PTPRT: variants seen among roughly 807,000 people sequenced by gnomAD.
PTPRT encodes the protein receptor-type tyrosine-protein phosphatase T.
PTPRT carries 56 observed loss-of-function variants against 176.8 expected under a neutral mutation model. That is an observed-to-expected ratio of 0.32 (90% CI 0.26 to 0.40). The LOEUF (loss-of-function observed/expected upper bound fraction) is 0.40, where lower values mean the gene tolerates loss of function less well. PTPRT is among the 10% of genes least tolerant of loss of function. PTPRT has a pLI of 1.00. For missense variants in PTPRT, 1,540 were observed against 1,908.2 expected, an observed-to-expected ratio of 0.81 and a Z score of 3.60; for synonymous variants, 783 against 739.0, an observed-to-expected ratio of 1.06 and a Z score of -0.96.
At chr20:42,595,214 A>G (rs2073650398) in intron 7 of PTPRT, among the ~76,000 whole-genome samples, 1 of 151,902 alleles carries the variant, frequency 6.6e-6, no homozygotes, top group East Asian at 1.9e-4. Context: ...TACTGCATGC[A>G]CCTCTAACTC....
chr20:42,760,442 C>T (rs1435067292), intron 5 of PTPRT, among the ~76,000 whole-genome samples: 1 of 139,860 alleles, frequency 7.2e-6, no homozygotes, highest in African/African-American at 2.7e-5. Flanking sequence ...CAGTAGCACA[C>T]TGGCAATACC....
At position 42,633,784 on chromosome 20, in the gene PTPRT, AATATATATAT is replaced by A. The variant is rs752371452; in HGVS notation, c.1153+44072_1153+44081del. 7.6e-3 allele frequency among the ~76,000 whole-genome samples: 405 copies of A among 53,374 alleles called. 14 individuals are homozygous for A. The highest frequency in any genetic ancestry group is 0.025 in the African/African-American group (267 of 10,600). 35.0% of individuals were successfully genotyped at this position (53,374 alleles called of 152,430 possible). A position where few individuals can be genotyped will look rare whatever the true frequency, so the allele number is the denominator to read the frequency against. On this transcript the variant is annotated intron_variant, in intron 7 of 30. Coordinates refer to ENST00000373187, the MANE Select transcript of PTPRT (RefSeq NM_007050.6). ...CTGGGCAACACAGCAAGACTCTGAA[AATATATATAT>A]ATATATATATATATATATATATATA...
chr20:42,194,422 T>C (rs1991118083), intron 16 of PTPRT, among the ~76,000 whole-genome samples: 1 of 152,180 alleles, frequency 6.6e-6, no homozygotes, highest in Non-Finnish European at 1.5e-5. Flanking sequence ...AGTTAACTCA[T>C]GGTACCCAGT....
chr20:42,048,432 A>G, the PTPRT span, among the ~76,000 whole-genome samples: 1 of 152,152 alleles, frequency 6.6e-6, no homozygotes, highest in Non-Finnish European at 1.5e-5. Flanking sequence ...GTGGCTTCCA[A>G]AGCTTGGTCA....
chr20:42,847,031 G>A (rs1421258898), intron 2 of PTPRT, among the ~76,000 whole-genome samples: 2 of 152,180 alleles, frequency 1.3e-5, no homozygotes, highest in Non-Finnish European at 2.9e-5. Flanking sequence ...GATAATAACA[G>A]TCTCCTTGTC....
At chr20:42,927,578 G>A (rs189632180) in intron 1 of PTPRT, among the ~76,000 whole-genome samples, 10 of 151,610 alleles carry the variant, frequency 6.6e-5, no homozygotes, top group Admixed American at 2.0e-4. Context: ...AGAAAGAAAA[G>A]CAAGAAAGAA....
chr20:42,897,568 C>T (rs1389430694), intron 1 of PTPRT, among the ~76,000 whole-genome samples: 1 of 152,180 alleles, frequency 6.6e-6, no homozygotes, highest in South Asian at 2.1e-4. Context: ...TTTTGGGTCT[C>T]CAGTTTTCTC....
At chr20:42,167,758 C>T (rs1429520660) in intron 16 of PTPRT, among the ~76,000 whole-genome samples, 1 of 152,196 alleles carries the variant, frequency 6.6e-6, no homozygotes, top group Non-Finnish European at 1.5e-5. Flanking sequence ...AGTCAAAGCA[C>T]AGACTCACTC....
At chr20:42,334,893 G>A (rs2058019330) in intron 11 of PTPRT, among the ~76,000 whole-genome samples, 1 of 152,200 alleles carries the variant, frequency 6.6e-6, no homozygotes, top group South Asian at 2.1e-4. Context: ...AAGAATTAAT[G>A]TACTCCATTT....
intron 11 of PTPRT, 62 bp from the exon 12 acceptor site, chr20:42,316,058 C>G: frequency 6.4e-7 from 1 of 1,567,068 alleles, no homozygotes. Flanking sequence ...AGCTTGTTAG[C>G]TCTAATGGTG....
chr20:42,799,835 C>T lies in PTPRT; in HGVS notation c.215-8369G>A, dbSNP rs922038201. 7.9e-5 allele frequency among the ~76,000 whole-genome samples: 12 copies of T among 152,260 alleles called. 1 individual carries two copies. The highest frequency in any genetic ancestry group is 2.6e-4 in the Admixed American group (4 of 15,294). ...CAGGTAGAGGTTTTAAAGTTCCTTC[C>T]AGCTACAGAAGTCTGTTTCCAAGAC... On this transcript the variant is annotated intron_variant, in intron 2 of 30. Coordinates refer to ENST00000373187, the MANE Select transcript of PTPRT (RefSeq NM_007050.6).
At chr20:42,609,604 C>T (rs2073939796) in intron 7 of PTPRT, among the ~76,000 whole-genome samples, 1 of 152,192 alleles carries the variant, frequency 6.6e-6, no homozygotes, top group Non-Finnish European at 1.5e-5. Context: ...GCTATAGCAG[C>T]TGGGCTGCCT....
intron 8 of PTPRT, 35 bp from the exon 9 acceptor site, chr20:42,448,364 C>T (rs746594823): frequency 7.5e-6 from 11 of 1,474,166 alleles, no homozygotes; most frequent in Non-Finnish European, 1.0e-5. Context: ...TTGATGTCAC[C>T]TTCCACATCA....
At chr20:42,363,284 ATATATATATATATATATTT>A (rs1466876489) in intron 9 of PTPRT, among the ~76,000 whole-genome samples, 8 of 17,772 alleles carry the variant, frequency 4.5e-4, no homozygotes, top group African/African-American at 1.6e-3. Context: ...ATATATATAT[ATATATATATATATATATTT>A]TTTTTTTTTT....
chr20:42,206,320 C>T (rs2055458824), intron 15 of PTPRT, among the ~76,000 whole-genome samples: 4 of 152,226 alleles, frequency 2.6e-5, no homozygotes, highest in Admixed American at 2.6e-4. Flanking sequence ...CTACAGCTCC[C>T]AGCGTGAGCG....
At chr20:42,044,383 C>T in the PTPRT span, among the ~76,000 whole-genome samples, 1 of 152,180 alleles carries the variant, frequency 6.6e-6, no homozygotes, top group Non-Finnish European at 1.5e-5. Context: ...CCACTCAGGC[C>T]CAGGCTCATT....
At chr20:42,324,610 C>T (rs2057854820) in intron 11 of PTPRT, among the ~76,000 whole-genome samples, 1 of 152,154 alleles carries the variant, frequency 6.6e-6, no homozygotes. Context: ...TTTAAGTATG[C>T]ACAAATTTTA....
At chr20:42,726,071 T>TATTATC (rs2146248465) in intron 6 of PTPRT, among the ~76,000 whole-genome samples, 1 of 122,212 alleles carries the variant, frequency 8.2e-6, no homozygotes, top group African/African-American at 3.0e-5. Context: ...TTATTATTAT[T>TATTATC]ATTATTATTA....
chr20:42,847,712 C>A (rs768155732), intron 2 of PTPRT, among the ~76,000 whole-genome samples: 1 of 152,184 alleles, frequency 6.6e-6, no homozygotes, highest in Non-Finnish European at 1.5e-5. Flanking sequence ...GGAAGGCCAC[C>A]CACAGGTGAC....
Sources: allele counts gnomAD v4.1 joint callset (sites outside exome capture counted in the v4.1 genomes callset), GRCh38; gene constraint gnomAD v4.1.1; transcripts MANE v1.5; gene names NCBI Gene and HGNC (gene_info 2026-07-23, HGNC 2026-07-21).